Variants in DNAAF10 observed in about 807,000 individuals in gnomAD.
The protein encoded by DNAAF10 is WD repeat domain 92.
Under a neutral mutation model 43.7 loss-of-function variants are expected in DNAAF10, and 28 were observed. The observed-to-expected ratio is 0.64, with a 90% CI of 0.48 to 0.88. The LOEUF (loss-of-function observed/expected upper bound fraction) is 0.88. Ranked by LOEUF, DNAAF10 falls within the 40% of genes least tolerant of loss-of-function variation. The probability of loss-of-function intolerance (pLI) is 0.00; values close to 1 mark genes in which losing one functional copy is unlikely to be tolerated. For synonymous variants in DNAAF10, 156 were observed against 157.3 expected, an observed-to-expected ratio of 0.99 and a Z score of 0.06; for missense variants, 403 against 439.1, an observed-to-expected ratio of 0.92 and a Z score of 0.73.
chr2:68,142,055 A>G (rs543377486), intron 3 of DNAAF10, among the ~76,000 whole-genome samples: 42 of 152,370 alleles, frequency 2.8e-4, no homozygotes, highest in African/African-American at 1.0e-3. Context: ...GTTATCTACG[A>G]GTGATGACTG....
intron 4 of DNAAF10, among the ~76,000 whole-genome samples, chr2:68,139,646 T>C (rs576418169): frequency 8.2e-5 from 9 of 110,086 alleles, no homozygotes; most frequent in Admixed American, 4.5e-4. Context: ...AAGAAAAAAA[T>C]ACAAAAAATT....
At chr2:68,141,059 T>G (rs567216248) in intron 4 of DNAAF10, among the ~76,000 whole-genome samples, 1 of 152,146 alleles carries the variant, frequency 6.6e-6, no homozygotes, top group African/African-American at 2.4e-5. Flanking sequence ...GGGATTACAA[T>G]TGGACATGAG....
chr2:68,143,570 T>A (rs562768309), intron 3 of DNAAF10, among the ~76,000 whole-genome samples: 1 of 152,234 alleles, frequency 6.6e-6, no homozygotes, highest in South Asian at 2.1e-4. Flanking sequence ...TAAGCCACTC[T>A]CATAAGACAA....
chr2:68,135,757 A>G (rs1673027269), intron 6 of DNAAF10, among the ~76,000 whole-genome samples: 1 of 152,220 alleles, frequency 6.6e-6, no homozygotes, highest in Non-Finnish European at 1.5e-5. Context: ...TCTCTCAGTG[A>G]TTAGGTTCAA....
At chr2:68,155,194 C>T (rs753796856) in intron 1 of DNAAF10, among the ~76,000 whole-genome samples, 3 of 151,076 alleles carry the variant, frequency 2.0e-5, no homozygotes, top group Admixed American at 6.6e-5. Flanking sequence ...CATTTTTCTT[C>T]GAAAAAGGAA....
chr2:68,154,403 C>T (rs1218714404), intron 1 of DNAAF10, among the ~76,000 whole-genome samples: 2 of 151,932 alleles, frequency 1.3e-5, no homozygotes, highest in South Asian at 2.1e-4. Flanking sequence ...CCCGCCACCA[C>T]GCCCGGCTGA....
At chr2:68,144,533 A>G in intron 3 of DNAAF10, 52 bp downstream of exon 3, 3 of 1,599,104 alleles carry the variant, frequency 1.9e-6, no homozygotes, top group South Asian at 1.1e-5. Flanking sequence ...ACTGCTGCAT[A>G]GAGATTTCCA....
At chr2:68,153,398 T>G (rs1673503268) in intron 1 of DNAAF10, among the ~76,000 whole-genome samples, 1 of 149,646 alleles carries the variant, frequency 6.7e-6, no homozygotes, top group Non-Finnish European at 1.5e-5. Flanking sequence ...AGCACATGAC[T>G]TAAGGGTAGA....
At chr2:68,134,931 C>A in intron 6 of DNAAF10, 132 bp from the exon 7 acceptor site, 1 of 992,940 alleles carries the variant, frequency 1.0e-6, no homozygotes, top group Non-Finnish European at 1.5e-6. Flanking sequence ...TTTTCTGGCA[C>A]ATCTCTTTAT....
At chr2:68,156,628 G>T (rs1673624108) in intron 1 of DNAAF10, among the ~76,000 whole-genome samples, 1 of 152,094 alleles carries the variant, frequency 6.6e-6, no homozygotes, top group Admixed American at 6.5e-5. Context: ...GCAATGTCTG[G>T]TTCCTGCTTA....
At chr2:68,138,010 T>A (rs1014831593) in intron 5 of DNAAF10, among the ~76,000 whole-genome samples, 6 of 147,898 alleles carry the variant, frequency 4.1e-5, no homozygotes, top group African/African-American at 1.3e-4. Context: ...CCGTCTCTAC[T>A]AAAAAATATG....
chr2:68,136,087 G>A (rs954909206), intron 6 of DNAAF10, among the ~76,000 whole-genome samples: 4 of 151,038 alleles, frequency 2.6e-5, no homozygotes, highest in African/African-American at 4.9e-5. Context: ...ATATGGTGGC[G>A]TGTGCCTGTA....
At chr2:68,153,917 C>G (rs1261327113) in intron 1 of DNAAF10, among the ~76,000 whole-genome samples, 3 of 151,586 alleles carry the variant, frequency 2.0e-5, no homozygotes, top group Non-Finnish European at 4.4e-5. Context: ...CCACGCCCAG[C>G]TAATTTTTGT....
At chr2:68,134,231 G>A (rs2103881794) in intron 7 of DNAAF10, 1 of 993,462 alleles carries the variant, frequency 1.0e-6, no homozygotes, top group Non-Finnish European at 1.2e-6. Flanking sequence ...GGTGTGCATA[G>A]TAAAAGCTTT....
intron 7 of DNAAF10, 171 bp downstream of exon 7, chr2:68,134,531 G>T: frequency 6.8e-7 from 1 of 1,469,610 alleles, no homozygotes; most frequent in Admixed American, 3.1e-5. Context: ...TAAGTGTAAA[G>T]TATATTCATA....
chr2:68,134,293 T>C (rs1672985603), intron 7 of DNAAF10: 2 of 1,011,842 alleles, frequency 2.0e-6, no homozygotes, highest in African/African-American at 3.5e-5. Flanking sequence ...AGTGATAAGA[T>C]CTTTCCTGGA....
At chr2:68,145,224 A>G (rs1673286487) in intron 2 of DNAAF10, among the ~76,000 whole-genome samples, 1 of 151,968 alleles carries the variant, frequency 6.6e-6, no homozygotes, top group South Asian at 2.1e-4. Context: ...TTTCAGAAAA[A>G]AAAAAAAAGA....
chr2:68,156,890 C>G (rs1446278850), intron 1 of DNAAF10: 1 of 262,622 alleles, frequency 3.8e-6, no homozygotes, highest in Non-Finnish European at 7.3e-6. Context: ...GTATCTCTCC[C>G]ACTAGAAAAT....
intron 3 of DNAAF10, among the ~76,000 whole-genome samples, chr2:68,142,314 T>C (rs758963980): frequency 2.2e-4 from 34 of 152,174 alleles, no homozygotes; most frequent in Admixed American, 1.4e-3. Flanking sequence ...AGGAATGCAA[T>C]GGCGTGATCT....
Sources: allele counts gnomAD v4.1 joint callset (sites outside exome capture counted in the v4.1 genomes callset), GRCh38; gene constraint gnomAD v4.1.1; transcripts MANE v1.5; gene names NCBI Gene and HGNC (gene_info 2026-07-23, HGNC 2026-07-21).